The following ERCC6 variants were observed in gnomAD, a reference collection of about 807,000 sequenced individuals.
The protein encoded by ERCC6 is ERCC excision repair 6, chromatin remodeling factor.
A neutral mutation model predicts 158.7 loss-of-function variants in ERCC6; 116 were observed. That is an observed-to-expected ratio of 0.73 (90% CI 0.63 to 0.85). ERCC6 has a LOEUF of 0.85. Ranked by LOEUF, ERCC6 falls within the 40% of genes least tolerant of loss-of-function variation. The probability of loss-of-function intolerance (pLI) is 0.00; values close to 1 mark genes in which losing one functional copy is unlikely to be tolerated. For missense variants in ERCC6, 1,698 were observed against 1,799.4 expected (o/e 0.94, Z 1.02); for synonymous variants, 678 against 659.3 (o/e 1.03, Z -0.43).
chr10:49,488,656 TTTA>T (rs1851118579), intron 8 of ERCC6, among the ~76,000 whole-genome samples: 3 of 151,996 alleles, frequency 2.0e-5, no homozygotes, highest in Non-Finnish European at 4.4e-5. Context: ...TTTTTTTTTT[TTTA>T]AAGTTTTTTA....
chr10:49,508,376 C>G (rs4253086), intron 5 of ERCC6, among the ~76,000 whole-genome samples: 1 of 152,134 alleles, frequency 6.6e-6, no homozygotes, highest in Non-Finnish European at 1.5e-5. Flanking sequence ...CACTCTGCAT[C>G]GACAAGATTC....
rs1851016745 is a variant in ERCC6, at chr10:49,483,451, T to C, written c.1887A>G (p.Arg629=). ...GILITSYSYI[R]LMQDDISRYD... ...ACCTGCTAATGTCATCCTGCATCAA[T>C]CGAATGTAGGAGTAAGATGTGATCA... The change falls in exon 9 of 21, where the codon CGA becomes CGG. Residue 629 remains arginine (R), a synonymous_variant. Transcript: ENST00000355832. 10 of 1,613,880 alleles carry C rather than the reference T, an allele frequency of 6.2e-6. No individual in the cohort carries two copies. The highest frequency in any genetic ancestry group is 8.5e-6 in the Non-Finnish European group (10 of 1,179,766).
chr10:49,450,992 T>C (rs1850414158), downstream of ERCC6, among the ~76,000 whole-genome samples: 2 of 152,084 alleles, frequency 1.3e-5, no homozygotes, highest in South Asian at 4.1e-4. Context: ...TTTGTATTTT[T>C]AGTGGAGACA....
chr10:49,510,063 G>C (rs1590446110), intron 5 of ERCC6, among the ~76,000 whole-genome samples: 2 of 152,004 alleles, frequency 1.3e-5, no homozygotes, highest in East Asian at 3.9e-4. Flanking sequence ...ACACTCCCTG[G>C]TTTCCCTACA....
At chr10:49,481,966 C>T (rs115983952) in intron 10 of ERCC6, among the ~76,000 whole-genome samples, 2 of 152,176 alleles carry the variant, frequency 1.3e-5, no homozygotes, top group Non-Finnish European at 2.9e-5. Context: ...CCCTGAGAAC[C>T]AGCATCCTCC....
At chr10:49,516,522 C>T (rs1454551445) in intron 5 of ERCC6, 1 of 1,614,006 alleles carries the variant, frequency 6.2e-7, no homozygotes, top group Non-Finnish European at 8.5e-7. Context: ...AAACATACGC[C>T]TTCTAGGAAC....
At chr10:49,472,609 G>A (rs1850801003) in intron 15 of ERCC6, 139 bp from the exon 16 acceptor site, 7 of 870,520 alleles carry the variant, frequency 8.0e-6, no homozygotes, top group Admixed American at 2.0e-5. Context: ...TACACCTAAG[G>A]CCTACTCAGG....
intron 18 of ERCC6, among the ~76,000 whole-genome samples, chr10:49,463,186 T>C (rs1236580040): frequency 6.6e-6 from 1 of 152,202 alleles, no homozygotes; most frequent in African/African-American, 2.4e-5. Context: ...ACAAAATGTA[T>C]ATATTTTTAA....
chr10:49,453,498 T>C (rs1397068713), downstream of ERCC6, among the ~76,000 whole-genome samples: 2 of 152,332 alleles, frequency 1.3e-5, no homozygotes, highest in South Asian at 2.1e-4. Context: ...CATTTCTGTA[T>C]GTTATAGACC....
At chr10:49,488,137 T>C (rs1240668529) in intron 8 of ERCC6, 2 of 215,666 alleles carry the variant, frequency 9.3e-6, no homozygotes, top group East Asian at 1.1e-4. Flanking sequence ...ATAGGGTACA[T>C]CTGCAATTAG....
intron 8 of ERCC6, among the ~76,000 whole-genome samples, chr10:49,486,450 T>TA (rs1296908626): frequency 1.3e-5 from 2 of 152,182 alleles, no homozygotes; most frequent in Non-Finnish European, 2.9e-5. Flanking sequence ...TAGTGGGTAT[T>TA]AAAAAAACTG....
chr10:49,460,921 T>A (rs1197260540), intron 19 of ERCC6, among the ~76,000 whole-genome samples: 3 of 151,414 alleles, frequency 2.0e-5, no homozygotes, highest in Non-Finnish European at 2.9e-5. Flanking sequence ...AACTGCTGCA[T>A]CTCAGAATGA....
intron 18 of ERCC6, among the ~76,000 whole-genome samples, chr10:49,468,202 C>G (rs1460730399): frequency 6.6e-6 from 1 of 152,236 alleles, no homozygotes; most frequent in Non-Finnish European, 1.5e-5. Context: ...CAGCTGAGTG[C>G]CAGTGGAGAC....
chr10:49,453,771 T>TG (rs542611995), downstream of ERCC6, among the ~76,000 whole-genome samples: 1 of 6,580 alleles, frequency 1.5e-4, no homozygotes, highest in African/African-American at 3.3e-4. Context: ...TGGTTGACAG[T>TG]TTTTTTTTCT....
Position 49,532,767 on chromosome 10 carries a change from C to T in ERCC6, c.198G>A (p.Pro66=), listed in dbSNP as rs2132639471. The change falls in exon 2 of 21, where the codon CCG becomes CCA. Residue 66 remains proline, a synonymous_variant. Coordinates refer to ENST00000355832, the MANE Select transcript of ERCC6 (RefSeq NM_000124.4). ...TSAVGCASAA[P]RRGPALLHID... is the part of the protein sequence containing the mutation. ...TGTGCAGCAGGGCTGGCCCTCTCCT[C>T]GGAGCTGCTGATGCGCACCCCACAG... 3.7e-6 allele frequency: 6 copies of T among 1,614,242 alleles called. No individual in the cohort carries two copies. The highest frequency in any genetic ancestry group is 2.2e-5 in the East Asian group (1 of 44,876).
At chr10:49,478,511 T>C (rs1468194033) in intron 10 of ERCC6, 41 bp from the exon 11 acceptor site, 2 of 1,212,332 alleles carry the variant, frequency 1.6e-6, no homozygotes, top group Non-Finnish European at 2.4e-6. Context: ...TATATATGTT[T>C]AAGGAACGCA....
rs1335254390 is a variant in ERCC6 at position 49,454,501 on chromosome 10, T to C, written c.*4314A>G. 6.6e-6 allele frequency among the ~76,000 whole-genome samples: 1 copy of C among 152,226 alleles called. No individual in the cohort carries two copies. The highest frequency in any genetic ancestry group is 1.9e-4 in the East Asian group (1 of 5,202). On this transcript the variant is annotated 3_prime_UTR_variant, in exon 21 of 21. Transcript: ENST00000355832. ...TTTTCTTGAATAAGCGTTACTTTAT[T>C]CTACATGCTTTTAGGACAATTTCCA...
chr10:49,479,790 T>G (rs1457785126), intron 10 of ERCC6, among the ~76,000 whole-genome samples: 1 of 152,152 alleles, frequency 6.6e-6, no homozygotes, highest in African/African-American at 2.4e-5. Context: ...TGGCTCCTGC[T>G]CTCTCCTGCA....
Position 49,499,283 on chromosome 10 carries a change from C to T in ERCC6, c.1685+1255G>A, listed in dbSNP as rs150951870. Among the ~76,000 whole-genome samples, 3 of 152,266 alleles carry T rather than the reference C, an allele frequency of 2.0e-5. No homozygotes were observed. In the East Asian group the frequency reaches 5.8e-4, roughly 29 times the overall value. On this transcript the variant is annotated intron_variant, in intron 7 of 20. Coordinates refer to ENST00000355832, the MANE Select transcript of ERCC6 (RefSeq NM_000124.4). The stretch of plus-strand genomic sequence containing the variant: ...CCTACATCTATATAAATGCAACTGG[C>T]GTTCTAAAATATTCTAAAACTCCAA...
Sources: gnomAD v4.1 joint callset for allele counts (sites outside exome capture counted in the v4.1 genomes callset) on GRCh38, gnomAD v4.1.1 for gene constraint, MANE v1.5 for transcripts, NCBI Gene and HGNC (gene_info 2026-07-23, HGNC 2026-07-21) for gene names.